The following ODF1 variants were observed in gnomAD, a reference collection of about 807,000 sequenced individuals.
ODF1 encodes outer dense fiber protein 1.
A neutral mutation model predicts 24.0 loss-of-function variants in ODF1; 10 were observed. The ratio of observed to expected loss-of-function variants is 0.42; its 90% CI spans 0.26 to 0.71. ODF1 has a LOEUF of 0.71. ODF1 is among the 30% of genes least tolerant of loss of function. The probability of loss-of-function intolerance (pLI) is 0.28; values close to 1 mark genes in which losing one functional copy is unlikely to be tolerated. For missense variants in ODF1, 282 were observed against 307.9 expected, an observed-to-expected ratio of 0.92 and a Z score of 0.63; for synonymous variants, 118 against 121.3, an observed-to-expected ratio of 0.97 and a Z score of 0.18.
chr8:102,553,901 C>T (rs1454300797), intron 1 of ODF1, among the ~76,000 whole-genome samples: 13 of 152,210 alleles, frequency 8.5e-5, no homozygotes, highest in Non-Finnish European at 8.8e-5. Flanking sequence ...TCTCTGCCTG[C>T]AGGCAATATG....
At chr8:102,560,270 T>C (rs1826162277) in intron 1 of ODF1, among the ~76,000 whole-genome samples, 182 bp from the exon 2 acceptor site, 1 of 147,526 alleles carries the variant, frequency 6.8e-6, no homozygotes, top group African/African-American at 2.7e-5. Context: ...TGCGGGGCAG[T>C]GTGATTCGCA....
At chr8:102,555,251 T>C (rs1358924057) in intron 1 of ODF1, among the ~76,000 whole-genome samples, 1 of 152,222 alleles carries the variant, frequency 6.6e-6, no homozygotes, top group Non-Finnish European at 1.5e-5. Flanking sequence ...CCACATTTCA[T>C]GGGCTTCCCT....
At position 102,552,079 on chromosome 8, in the gene ODF1, C is replaced by T. The variant is rs200733339; in HGVS notation, c.320+32C>T. 520 of 1,490,742 alleles carry T rather than the reference C, an allele frequency of 3.5e-4. 1 individual carries two copies. The highest frequency in any genetic ancestry group is 4.4e-4 in the Non-Finnish European group (485 of 1,099,458). 92.3% of individuals were successfully genotyped at this position (1,490,742 alleles called of 1,614,324 possible). On this transcript the variant is annotated intron_variant, in intron 1 of 1. Transcript: ENST00000285402. ...TAACTTATTTTTAAATTTTTATAGTCGGTATATTAGCCTTATAAGTTGGAA... is the reference window on the plus strand; with the variant it reads ...TAACTTATTTTTAAATTTTTATAGTTGGTATATTAGCCTTATAAGTTGGAA...
At chr8:102,552,434 A>G (rs1446919190) in intron 1 of ODF1, among the ~76,000 whole-genome samples, 1 of 152,168 alleles carries the variant, frequency 6.6e-6, no homozygotes, top group African/African-American at 2.4e-5. Flanking sequence ...AAATGACTAC[A>G]GGAGAAGTAA....
intron 1 of ODF1, among the ~76,000 whole-genome samples, chr8:102,553,206 CAAAAAA>C (rs71276450): frequency 1.6e-5 from 2 of 124,236 alleles, no homozygotes. Flanking sequence ...CTACTAAATA[CAAAAAA>C]AAAAAAAAAA....
chr8:102,559,525 G>A (rs908068564), intron 1 of ODF1, among the ~76,000 whole-genome samples: 5 of 151,602 alleles, frequency 3.3e-5, no homozygotes, highest in South Asian at 2.1e-4. Context: ...ACTGGGGATC[G>A]GGAAGAGATG....
Position 102,552,977 on chromosome 8 carries a change from C to CAGATAGAT in ODF1, c.320+963_320+970dup, listed in dbSNP as rs71574062. Among the ~76,000 whole-genome samples, 425 of 136,078 alleles carry CAGATAGAT rather than the reference C, an allele frequency of 3.1e-3. 1 individual carries two copies. The highest frequency in any genetic ancestry group is 0.011 in the East Asian group (53 of 4,680). The allele number at this position is 136,078 out of a possible 152,430, so 89.3% of individuals were successfully genotyped here. On this transcript the variant is annotated intron_variant, in intron 1 of 1. Transcript: ENST00000285402. ...TGCAGAAAAACTGATAGACAGATGA[C>CAGATAGAT]AGATAGATAGATAGATAGATAGATA...
chr8:102,556,896 T>G (rs1477726727), intron 1 of ODF1, among the ~76,000 whole-genome samples: 1 of 152,236 alleles, frequency 6.6e-6, no homozygotes, highest in African/African-American at 2.4e-5. Context: ...CTGCCCCACC[T>G]GGTTCCCTGA....
At chr8:102,559,447 C>A (rs1826151714) in intron 1 of ODF1, among the ~76,000 whole-genome samples, 1 of 151,668 alleles carries the variant, frequency 6.6e-6, no homozygotes, top group Admixed American at 6.6e-5. Context: ...TAGCATTTTC[C>A]AATTTCCATG....
chr8:102,558,344 C>T (rs1431546819), intron 1 of ODF1, among the ~76,000 whole-genome samples: 1 of 152,176 alleles, frequency 6.6e-6, no homozygotes, highest in Non-Finnish European at 1.5e-5. Context: ...CTCCCAGCTA[C>T]TCAGGAGGCT....
Position 102,551,627 on chromosome 8 carries a change from C to T in ODF1, c.-101C>T. ...TAAAGTAAGTGAATCATGTGTGCCT[C>T]ATTTATTTTTAAAAGCAACTTCTGA... On this transcript the variant is annotated 5_prime_UTR_variant, in exon 1 of 2. Transcript: ENST00000285402. 1.1e-6 allele frequency: 1 copy of T among 872,260 alleles called. No homozygotes were observed. Among genetic ancestry groups the T allele is most frequent in the Non-Finnish European group, 1.8e-6 (1 of 568,036 alleles). The allele number at this position is 872,260 out of a possible 1,614,324, so 54.0% of individuals were successfully genotyped here.
At position 102,560,835 on chromosome 8, in the gene ODF1, C is replaced by G. The variant is rs771108173; in HGVS notation, c.704C>G (p.Pro235Arg). ...NPCSPYDPCN[P>R]CYPCGSRFSC... Reference sequence around the variant, plus strand: ...TGCAGCCCATATGATCCTTGCAACCCGTGTTATCCCTGTGGAAGCCGATTT... The same window carrying G: ...TGCAGCCCATATGATCCTTGCAACCGGTGTTATCCCTGTGGAAGCCGATTT... Residue 235 changes from proline (P) to arginine (R), a missense_variant, in exon 2 of 2, where the codon CCG becomes CGG. Coordinates refer to ENST00000285402, the MANE Select transcript of ODF1 (RefSeq NM_024410.4). The G allele has an allele frequency of 6.2e-6, 10 of 1,613,424 alleles. No individual in the cohort carries two copies. The highest frequency in any genetic ancestry group is 1.7e-5 in the Admixed American group (1 of 59,958).
Position 102,551,624 on chromosome 8 carries a change from C to G in ODF1, c.-104C>G. ...CTTTAAAGTAAGTGAATCATGTGTG[C>G]CTCATTTATTTTTAAAAGCAACTTC... is the stretch of plus-strand genomic sequence containing the variant. On this transcript the variant is annotated 5_prime_UTR_variant, in exon 1 of 2. Transcript: ENST00000285402. 1 of 816,192 alleles carries G rather than the reference C, an allele frequency of 1.2e-6. No individual in the cohort carries two copies. Among genetic ancestry groups the G allele is most frequent in the Non-Finnish European group, 1.9e-6 (1 of 519,664 alleles). 50.6% of individuals were successfully genotyped at this position (816,192 alleles called of 1,614,324 possible). A position where few individuals can be genotyped will look rare whatever the true frequency, so the allele number is the denominator to read the frequency against.
chr8:102,553,374 CAAAAA>C (rs55997419), intron 1 of ODF1, among the ~76,000 whole-genome samples: 5 of 108,436 alleles, frequency 4.6e-5, no homozygotes, highest in Non-Finnish European at 5.7e-5. Context: ...GAGACTGTCT[CAAAAA>C]AAAAAAAAAA....
intron 1 of ODF1, among the ~76,000 whole-genome samples, chr8:102,559,527 GA>G (rs1171858173): frequency 6.6e-6 from 1 of 151,620 alleles, no homozygotes; most frequent in Non-Finnish European, 1.5e-5. Context: ...TGGGGATCGG[GA>G]AGAGATGTAC....
At chr8:102,558,223 G>A (rs1258969835) in intron 1 of ODF1, among the ~76,000 whole-genome samples, 1 of 152,164 alleles carries the variant, frequency 6.6e-6, no homozygotes, top group Non-Finnish European at 1.5e-5. Context: ...AGGCTGAAGT[G>A]GGCGGATCAC....
In ODF1 at chr8:102,560,500, T is replaced by G. The variant is rs772757013; in HGVS notation, c.369T>G (p.Ser123Arg). The change falls in exon 2 of 2, where the codon AGT becomes AGG. Residue 123 changes from serine to arginine, a missense_variant. Ser to Arg is a moderately radical substitution (Grantham distance 110). Coordinates refer to ENST00000285402, the MANE Select transcript of ODF1 (RefSeq NM_024410.4). The stretch of plus-strand genomic sequence containing the variant: ...TTCTGGCTTCCTCCTGCTGTAGCAG[T>G]AACATTTTAGGATCGGTGAATGTAT... Reference protein sequence around the residue: ...NRILASSCCSSNILGSVNVCG... With the variant: ...NRILASSCCSRNILGSVNVCG... 11 of 1,614,218 alleles carry G rather than the reference T, an allele frequency of 6.8e-6. No individual in the cohort carries two copies. Among genetic ancestry groups the G allele is most frequent in the Middle Eastern group, 1.6e-4 (1 of 6,062 alleles).
chr8:102,552,974 T>TA (rs1385157228), intron 1 of ODF1, among the ~76,000 whole-genome samples: 1 of 117,982 alleles, frequency 8.5e-6, no homozygotes, highest in East Asian at 2.3e-4. Context: ...GATAGACAGA[T>TA]GACAGATAGA....
chr8:102,557,099 C>G (rs1238017386), intron 1 of ODF1, among the ~76,000 whole-genome samples: 1 of 152,184 alleles, frequency 6.6e-6, no homozygotes, highest in East Asian at 1.9e-4. Context: ...CACAGAGCAG[C>G]AGACACAGGC....
Sources: allele counts gnomAD v4.1 joint callset (sites outside exome capture counted in the v4.1 genomes callset), GRCh38; gene constraint gnomAD v4.1.1; transcripts MANE v1.5; gene names NCBI Gene and HGNC (gene_info 2026-07-23, HGNC 2026-07-21).